STXBP5: variants seen among roughly 807,000 people sequenced by gnomAD.
STXBP5 encodes the protein syntaxin binding protein 5, also known as syntaxin-binding protein 5.
STXBP5 carries 50 observed loss-of-function variants against 152.4 expected under a neutral mutation model. The ratio of observed to expected loss-of-function variants is 0.33; its 90% CI spans 0.26 to 0.42. STXBP5 has a LOEUF of 0.42. Among genes scored for constraint, STXBP5 ranks in the 10% least tolerant of loss-of-function variants. The pLI is 1.00. For synonymous variants in STXBP5, 492 were observed against 494.7 expected, an observed-to-expected ratio of 0.99 and a Z score of 0.07; for missense variants, 1,167 against 1,388.6, an observed-to-expected ratio of 0.84 and a Z score of 2.54.
chr6:147,268,643 T>G (rs1780008251), intron 7 of STXBP5, among the ~76,000 whole-genome samples: 1 of 152,212 alleles, frequency 6.6e-6, no homozygotes, highest in Non-Finnish European at 1.5e-5. Context: ...AGTTGTGATC[T>G]GTAGTTGTGG....
At chr6:147,286,653 T>A (rs1780977222) in intron 8 of STXBP5, among the ~76,000 whole-genome samples, 1 of 152,106 alleles carries the variant, frequency 6.6e-6, no homozygotes, top group Admixed American at 6.5e-5. Context: ...TATTCTAAAT[T>A]ATAAGAAAAA....
intron 9 of STXBP5, 45 bp downstream of exon 9, chr6:147,291,217 C>G (rs778594610): frequency 6.8e-7 from 1 of 1,470,990 alleles, no homozygotes; most frequent in Non-Finnish European, 9.4e-7. Context: ...TATAAGTCCT[C>G]AAATAGCATG....
At chr6:147,306,442 A>G (rs1782097135) in intron 9 of STXBP5, among the ~76,000 whole-genome samples, 1 of 152,244 alleles carries the variant, frequency 6.6e-6, no homozygotes, top group Non-Finnish European at 1.5e-5. Flanking sequence ...TGAAGGAGGA[A>G]CAGGAACTGA....
chr6:147,383,787 A>C (rs1177196285), intron 27 of STXBP5, among the ~76,000 whole-genome samples: 1 of 151,996 alleles, frequency 6.6e-6, no homozygotes, highest in East Asian at 1.9e-4. Flanking sequence ...TAAATTTTTC[A>C]ACCAAAAGTC....
intron 25 of STXBP5, among the ~76,000 whole-genome samples, chr6:147,372,909 T>C (rs933744000): frequency 2.6e-5 from 4 of 152,164 alleles, no homozygotes; most frequent in Admixed American, 6.5e-5. Flanking sequence ...CTCTGCCAGA[T>C]TTCTGAAATT....
chr6:147,324,418 A>G (rs1052113255), intron 16 of STXBP5, among the ~76,000 whole-genome samples: 11 of 151,518 alleles, frequency 7.3e-5, no homozygotes, highest in African/African-American at 2.4e-4. Flanking sequence ...GACTACAGGC[A>G]CACACCACCA....
chr6:147,375,563 C>G (rs1362975477), intron 26 of STXBP5, among the ~76,000 whole-genome samples: 1 of 151,260 alleles, frequency 6.6e-6, no homozygotes, highest in Admixed American at 6.6e-5. Flanking sequence ...GAAGATCTAA[C>G]ATAAGTTTAG....
At chr6:147,208,646 G>GT in intron 2 of STXBP5, among the ~76,000 whole-genome samples, 1 of 152,236 alleles carries the variant, frequency 6.6e-6, no homozygotes, top group Admixed American at 6.5e-5. Flanking sequence ...TCTAGATAAA[G>GT]TATTTTCCTT....
intron 5 of STXBP5, among the ~76,000 whole-genome samples, 158 bp from the exon 6 acceptor site, chr6:147,262,132 A>G (rs559834177): frequency 1.7e-4 from 26 of 152,144 alleles, no homozygotes; most frequent in African/African-American, 6.0e-4. Flanking sequence ...ATTTTGATCC[A>G]TATTAAGAAC....
chr6:147,308,122 T>TC (rs1207429081), intron 9 of STXBP5, among the ~76,000 whole-genome samples: 1 of 152,202 alleles, frequency 6.6e-6, no homozygotes, highest in Admixed American at 6.6e-5. Context: ...AAGTGTTAGT[T>TC]CCCCACTGGT....
intron 3 of STXBP5, among the ~76,000 whole-genome samples, chr6:147,237,550 T>C (rs1778340328): frequency 6.6e-6 from 1 of 152,204 alleles, no homozygotes; most frequent in Non-Finnish European, 1.5e-5. Flanking sequence ...GCAGTACAAA[T>C]CTTTGACACC....
At chr6:147,265,492 A>G (rs891226500) in intron 6 of STXBP5, among the ~76,000 whole-genome samples, 5 of 152,168 alleles carry the variant, frequency 3.3e-5, no homozygotes, top group African/African-American at 4.8e-5. Flanking sequence ...TACTAGTTTA[A>G]GAAAAGGAGC....
rs140844139 is a variant in STXBP5, at chr6:147,331,735, C to T, written c.2081-2422C>T. ...GTTCTATGTTTATGTTGTATTTTCC[C>T]CTCATTTTTAAATCAGGGCATTATA... On this transcript the variant is annotated intron_variant, in intron 18 of 27. Transcript: ENST00000321680. Among the ~76,000 whole-genome samples the T allele has an allele frequency of 1.2e-4, 18 of 151,588 alleles. No individual in the cohort carries two copies. The East Asian group carries it at 3.3e-3, about 28-fold the overall frequency.
intron 18 of STXBP5, chr6:147,328,593 G>T: frequency 9.3e-5 from 30 of 321,522 alleles, no homozygotes; most frequent in South Asian, 1.3e-4. Flanking sequence ...TTTTTAATGT[G>T]ATCATTTTGT....
intron 7 of STXBP5, among the ~76,000 whole-genome samples, chr6:147,272,895 AACTCT>A (rs997318225): frequency 5.3e-5 from 8 of 152,016 alleles, no homozygotes; most frequent in Non-Finnish European, 8.8e-5. Flanking sequence ...TTAATTGACA[AACTCT>A]ACTCTACTCT....
chr6:147,320,114 A>T (rs573172065), intron 16 of STXBP5, among the ~76,000 whole-genome samples: 1 of 152,108 alleles, frequency 6.6e-6, no homozygotes, highest in African/African-American at 2.4e-5. Flanking sequence ...GGGATTACAG[A>T]TGTTAGCCAC....
intron 17 of STXBP5, among the ~76,000 whole-genome samples, chr6:147,325,593 G>A (rs556187978): frequency 1.3e-5 from 2 of 152,268 alleles, no homozygotes; most frequent in East Asian, 3.9e-4. Flanking sequence ...GCCATATAGT[G>A]TTAATTATAC....
intron 9 of STXBP5, 22 bp downstream of exon 9, chr6:147,291,194 A>C (rs1347392787): frequency 1.3e-6 from 2 of 1,597,696 alleles, no homozygotes; most frequent in Non-Finnish European, 1.7e-6. Flanking sequence ...CTTCATTGCC[A>C]ATGTTCATTG....
In STXBP5 at chr6:147,296,064, A is replaced by C. The variant is rs565087744; in HGVS notation, c.917+4892A>C. On this transcript the variant is annotated intron_variant, in intron 9 of 27. Coordinates refer to ENST00000321680, the MANE Select transcript of STXBP5 (RefSeq NM_001127715.4). The stretch of plus-strand genomic sequence containing the variant: ...ACACCCATACAGCATGCTACCCCCC[A>C]AAAAAAAACAGATGGTCCTGTACAA... Among the ~76,000 whole-genome samples, 481 of 150,488 alleles carry C rather than the reference A, an allele frequency of 3.2e-3. 1 individual carries two copies. The highest frequency in any genetic ancestry group is 5.1e-3 in the South Asian group (24 of 4,714).
Sources: allele counts gnomAD v4.1 joint callset (sites outside exome capture counted in the v4.1 genomes callset), GRCh38; gene constraint gnomAD v4.1.1; transcripts MANE v1.5; gene names NCBI Gene and HGNC (gene_info 2026-07-23, HGNC 2026-07-21).